Variants in ZNF600 observed in about 807,000 individuals in gnomAD.
The protein encoded by ZNF600 is zinc finger protein 600.
In ZNF600, 4 loss-of-function variants were observed where a neutral mutation model predicts 7.3. That is an observed-to-expected ratio of 0.55 (90% CI 0.27 to 1.25). ZNF600 has a LOEUF of 1.25. ZNF600 is among the 50% of genes most tolerant of loss of function. The pLI is 0.12. For missense variants in ZNF600, 911 were observed against 922.1 expected (o/e 0.99, Z 0.16); for synonymous variants, 290 against 308.9 (o/e 0.94, Z 0.64).
chr19:52,803,365 C>G, the ZNF600 span, among the ~76,000 whole-genome samples: 3 of 152,288 alleles, frequency 2.0e-5, no homozygotes, highest in Non-Finnish European at 4.4e-5. Flanking sequence ...CAGGCATGAG[C>G]CACTGCACCC....
the ZNF600 span, among the ~76,000 whole-genome samples, chr19:52,803,962 A>T: frequency 6.6e-6 from 1 of 152,198 alleles, no homozygotes; most frequent in Non-Finnish European, 1.5e-5. Flanking sequence ...ATCTCAAAAA[A>T]ATAAAATAAG....
the ZNF600 span, among the ~76,000 whole-genome samples, chr19:52,811,608 T>C: frequency 3.0e-4 from 40 of 133,932 alleles, no homozygotes; most frequent in Middle Eastern, 9.7e-3. Context: ...GTGAGGAGCG[T>C]CTCTGCCCGG....
chr19:52,765,192 A>T (rs764426485), exon 4 of ZNF600: 5 of 476,516 alleles, frequency 1.0e-5, no homozygotes, highest in Admixed American at 2.6e-5. Context: ...TCAAAAATGA[A>T]TTTTCTGATG....
At chr19:52,810,312 A>C in the ZNF600 span, 4 of 1,585,344 alleles carry the variant, frequency 2.5e-6, no homozygotes, top group East Asian at 9.0e-5. Flanking sequence ...TGCCCGTTCC[A>C]TCAATGCTGG....
At chr19:52,778,042 C>G (rs1024229781) in intron 2 of ZNF600, among the ~76,000 whole-genome samples, 9 of 151,974 alleles carry the variant, frequency 5.9e-5, no homozygotes, top group African/African-American at 1.9e-4. Flanking sequence ...GAGACAGAGT[C>G]TCACTCTGTC....
the ZNF600 span, among the ~76,000 whole-genome samples, chr19:52,828,139 C>A: frequency 1.3e-5 from 2 of 151,952 alleles, no homozygotes; most frequent in Non-Finnish European, 2.9e-5. Context: ...GCAACCTCCG[C>A]CTCCTGAGTT....
the ZNF600 span, among the ~76,000 whole-genome samples, chr19:52,833,230 C>T: frequency 6.6e-6 from 1 of 152,184 alleles, no homozygotes; most frequent in Admixed American, 6.5e-5. Flanking sequence ...GAAGAGCTGA[C>T]ATCCAGACAT....
the ZNF600 span, among the ~76,000 whole-genome samples, chr19:52,823,713 TC>T: frequency 4.6e-4 from 70 of 152,146 alleles, no homozygotes; most frequent in Non-Finnish European, 9.4e-4. Flanking sequence ...CCCAAGACCT[TC>T]AGAAATACAT....
At chr19:52,791,887 C>T in the ZNF600 span, among the ~76,000 whole-genome samples, 1 of 152,198 alleles carries the variant, frequency 6.6e-6, no homozygotes, top group African/African-American at 2.4e-5. Flanking sequence ...AGAGGACAGC[C>T]CCTCACCTCT....
the ZNF600 span, among the ~76,000 whole-genome samples, chr19:52,827,563 G>A: frequency 1.3e-5 from 2 of 151,722 alleles, no homozygotes; most frequent in African/African-American, 4.8e-5. Context: ...ACGTCACTGA[G>A]TTATAGAAGA....
the ZNF600 span, among the ~76,000 whole-genome samples, chr19:52,794,363 G>C: frequency 2.0e-5 from 3 of 152,154 alleles, no homozygotes; most frequent in African/African-American, 7.2e-5. Context: ...TATTTCAGGG[G>C]TCAGCGTCAC....
intron 3 of ZNF600, among the ~76,000 whole-genome samples, chr19:52,771,480 AT>A (rs112039577): frequency 6.7e-6 from 1 of 148,326 alleles, no homozygotes; most frequent in African/African-American, 2.5e-5. Context: ...TGCCTGGCTA[AT>A]TTTTTTTTTG....
chr19:52,778,264 T>C (rs2062692782), intron 2 of ZNF600, among the ~76,000 whole-genome samples: 1 of 151,924 alleles, frequency 6.6e-6, no homozygotes, highest in Non-Finnish European at 1.5e-5. Context: ...TCTTCCTGCC[T>C]TGGCCTCACA....
At chr19:52,826,677 G>C in the ZNF600 span, among the ~76,000 whole-genome samples, 7 of 152,000 alleles carry the variant, frequency 4.6e-5, no homozygotes, top group African/African-American at 1.7e-4. Flanking sequence ...ATGCACTCCA[G>C]CCTGGGTGAC....
the ZNF600 span, among the ~76,000 whole-genome samples, chr19:52,794,252 GTTTTTTTACA>G: frequency 1.3e-5 from 2 of 152,088 alleles, no homozygotes; most frequent in Non-Finnish European, 2.9e-5. Context: ...GTATTTGTGG[GTTTTTTTACA>G]TTTTTGGAGG....
rs117593343 is a variant in ZNF600 at position 52,769,418 on chromosome 19, C to T, written c.191-1646G>A. On this transcript the variant is annotated intron_variant, in intron 3 of 3. Transcript: ENST00000648973. ...TGATATGCAGAAATAATGGCGCAAG[C>T]TATCTCTCTCTCTCCCTCTCTCTGC... Among the ~76,000 whole-genome samples the T allele has an allele frequency of 2.4e-4, 36 of 152,264 alleles. 2 individuals are homozygous for T. The East Asian group carries it at 7.0e-3, about 29-fold the overall frequency.
chr19:52,824,438 C>T, the ZNF600 span, among the ~76,000 whole-genome samples: 1 of 152,132 alleles, frequency 6.6e-6, no homozygotes, highest in Non-Finnish European at 1.5e-5. Context: ...ACTGTGAAAC[C>T]AGCCTGGCCA....
At chr19:52,774,598 T>C (rs1299169857) in exon 3 of ZNF600, 2 of 985,252 alleles carry the variant, frequency 2.0e-6, no homozygotes, top group Admixed American at 6.2e-5. Context: ...GTTCCTGTAG[T>C]TCTCCAACAT....
the ZNF600 span, among the ~76,000 whole-genome samples, chr19:52,818,542 G>A: frequency 6.8e-6 from 1 of 147,112 alleles, no homozygotes; most frequent in Non-Finnish European, 1.5e-5. Flanking sequence ...GTGAAACCCT[G>A]TCTCTACTAA....
Sources: gnomAD v4.1 joint callset for allele counts (sites outside exome capture counted in the v4.1 genomes callset) on GRCh38, gnomAD v4.1.1 for gene constraint, MANE v1.5 for transcripts, NCBI Gene and HGNC (gene_info 2026-07-23, HGNC 2026-07-21) for gene names.